Variants in SNTG1 observed in about 807,000 individuals in gnomAD.
The protein encoded by SNTG1 is gamma-1-syntrophin.
SNTG1 carries 39 observed loss-of-function variants against 74.7 expected under a neutral mutation model. That is an observed-to-expected ratio of 0.52 (90% CI 0.40 to 0.68). The LOEUF (loss-of-function observed/expected upper bound fraction) is 0.68, where lower values mean the gene tolerates loss of function less well. Among genes scored for constraint, SNTG1 ranks in the 30% least tolerant of loss-of-function variants. SNTG1 has a pLI of 0.00. For missense variants in SNTG1, 685 were observed against 609.5 expected (o/e 1.12, Z -1.30); for synonymous variants, 254 against 217.1 (o/e 1.17, Z -1.49).
At chr8:50,000,706 A>G (rs1221135710) in intron 1 of SNTG1, among the ~76,000 whole-genome samples, 1 of 152,218 alleles carries the variant, frequency 6.6e-6, no homozygotes, top group East Asian at 1.9e-4. Flanking sequence ...ATAAATGTAT[A>G]AGAAATGTAT....
chr8:50,734,221 A>G (rs962764639), intron 17 of SNTG1, among the ~76,000 whole-genome samples: 2 of 151,792 alleles, frequency 1.3e-5, no homozygotes, highest in Admixed American at 6.6e-5. Flanking sequence ...TTAATGTAGT[A>G]AGAAACAAAC....
At chr8:50,659,324 A>C (rs1287047847) in intron 15 of SNTG1, among the ~76,000 whole-genome samples, 1 of 152,142 alleles carries the variant, frequency 6.6e-6, no homozygotes, top group East Asian at 1.9e-4. Flanking sequence ...ATATATATTC[A>C]CTTTCTACTT....
intron 12 of SNTG1, among the ~76,000 whole-genome samples, chr8:50,569,639 C>T (rs2094536078): frequency 6.6e-6 from 1 of 151,816 alleles, no homozygotes; most frequent in African/African-American, 2.4e-5. Context: ...TAAAGACTAA[C>T]AGAAGGAAGA....
chr8:50,564,201 C>T (rs905093789), intron 12 of SNTG1, among the ~76,000 whole-genome samples: 1 of 151,550 alleles, frequency 6.6e-6, no homozygotes, highest in African/African-American at 2.4e-5. Context: ...TTGTCCTGGT[C>T]GCTGTCTCTG....
At chr8:50,266,241 T>C (rs1445462551) in intron 2 of SNTG1, among the ~76,000 whole-genome samples, 1 of 152,102 alleles carries the variant, frequency 6.6e-6, no homozygotes, top group Admixed American at 6.6e-5. Flanking sequence ...GAAAGACATA[T>C]ATAAATCAAT....
intron 1 of SNTG1, among the ~76,000 whole-genome samples, chr8:49,959,365 G>T (rs1210343045): frequency 1.3e-5 from 2 of 152,180 alleles, no homozygotes; most frequent in African/African-American, 4.8e-5. Flanking sequence ...CAGTTTATGG[G>T]ATTCCAAATG....
intron 1 of SNTG1, among the ~76,000 whole-genome samples, chr8:50,148,259 A>G (rs2081940194): frequency 1.3e-5 from 2 of 152,192 alleles, no homozygotes. Flanking sequence ...TCTTCCTTGC[A>G]GAGGAATTCA....
chr8:50,325,922 G>T (rs1183592401), intron 2 of SNTG1, among the ~76,000 whole-genome samples: 1 of 152,084 alleles, frequency 6.6e-6, no homozygotes, highest in African/African-American at 2.4e-5. Context: ...CTAGCTTGCT[G>T]AGAGTTTTCT....
chr8:50,080,742 G>C (rs1328734834), intron 1 of SNTG1, among the ~76,000 whole-genome samples: 1 of 152,082 alleles, frequency 6.6e-6, no homozygotes, highest in African/African-American at 2.4e-5. Context: ...TAGTATGAAA[G>C]CTGACACAGC....
At chr8:50,590,795 TA>T in intron 12 of SNTG1, 83 bp from the exon 13 acceptor site, 1 of 853,720 alleles carries the variant, frequency 1.2e-6, no homozygotes, top group South Asian at 1.7e-5. Context: ...ATTAGCTCAC[TA>T]AAAATAATCT....
At chr8:50,324,387 C>T (rs1179736196) in intron 2 of SNTG1, among the ~76,000 whole-genome samples, 3 of 152,128 alleles carry the variant, frequency 2.0e-5, no homozygotes, top group African/African-American at 7.2e-5. Context: ...TCTCTTCGGC[C>T]CTCCTCAATA....
At chr8:50,760,182 C>G (rs577707326) in intron 18 of SNTG1, among the ~76,000 whole-genome samples, 1 of 152,110 alleles carries the variant, frequency 6.6e-6, no homozygotes, top group East Asian at 1.9e-4. Context: ...GTAATATTTT[C>G]ACATTTATTT....
chr8:50,369,826 A>C (rs983294139), intron 2 of SNTG1, among the ~76,000 whole-genome samples: 1 of 152,114 alleles, frequency 6.6e-6, no homozygotes, highest in African/African-American at 2.4e-5. Context: ...GCCCAAACTG[A>C]CTCGATGCCA....
intron 17 of SNTG1, among the ~76,000 whole-genome samples, chr8:50,729,938 G>T (rs963397240): frequency 4.6e-5 from 7 of 152,124 alleles, no homozygotes; most frequent in Non-Finnish European, 1.0e-4. Context: ...GCAGCAGCAG[G>T]TACCCCGAGC....
intron 2 of SNTG1, among the ~76,000 whole-genome samples, chr8:50,250,729 A>G (rs1446322115): frequency 6.6e-6 from 1 of 152,152 alleles, no homozygotes; most frequent in Non-Finnish European, 1.5e-5. Flanking sequence ...AATTTCTCAC[A>G]GCCAAGAATA....
intron 2 of SNTG1, among the ~76,000 whole-genome samples, chr8:50,285,016 G>A (rs2088685592): frequency 6.6e-6 from 1 of 151,928 alleles, no homozygotes. Flanking sequence ...ATTTCATTCT[G>A]TTTTTTATTA....
intron 2 of SNTG1, among the ~76,000 whole-genome samples, chr8:50,340,833 G>A (rs1011309714): frequency 4.6e-5 from 7 of 151,816 alleles, no homozygotes; most frequent in Admixed American, 3.9e-4. Context: ...GTTTTTGTCT[G>A]TACATTATCT....
intron 1 of SNTG1, among the ~76,000 whole-genome samples, chr8:49,999,633 A>T (rs548783967): frequency 1.3e-5 from 2 of 152,174 alleles, no homozygotes; most frequent in Admixed American, 6.5e-5. Flanking sequence ...CATGTGCCAG[A>T]ACACTCTTCC....
chr8:50,680,730 A>T (rs2095327599), intron 15 of SNTG1, among the ~76,000 whole-genome samples: 1 of 152,158 alleles, frequency 6.6e-6, no homozygotes, highest in East Asian at 1.9e-4. Context: ...GCAACATCCT[A>T]GGGCTCTGGT....
Sources: allele counts gnomAD v4.1 joint callset (sites outside exome capture counted in the v4.1 genomes callset), GRCh38; gene constraint gnomAD v4.1.1; transcripts MANE v1.5; gene names NCBI Gene and HGNC (gene_info 2026-07-23, HGNC 2026-07-21).